The following STAU2 variants were observed in gnomAD, a reference collection of about 807,000 sequenced individuals.
STAU2 encodes staufen double-stranded RNA binding protein 2, also known as double-stranded RNA-binding protein Staufen homolog 2.
STAU2 carries 20 observed loss-of-function variants against 65.9 expected under a neutral mutation model. The ratio of observed to expected loss-of-function variants is 0.30; its 90% CI spans 0.21 to 0.44. STAU2 has a LOEUF of 0.44. STAU2 is among the 20% of genes least tolerant of loss of function. STAU2 has a pLI of 1.00. For missense variants in STAU2, 558 were observed against 683.9 expected, an observed-to-expected ratio of 0.82 and a Z score of 2.05; for synonymous variants, 232 against 233.9, an observed-to-expected ratio of 0.99 and a Z score of 0.07.
intron 6 of STAU2, among the ~76,000 whole-genome samples, chr8:73,648,249 G>A (rs892188529): frequency 8.5e-5 from 13 of 152,114 alleles, no homozygotes; most frequent in Non-Finnish European, 4.4e-5. Context: ...TTTATTTCAT[G>A]GTGATTTTTA....
intron 13 of STAU2, among the ~76,000 whole-genome samples, chr8:73,517,896 A>ACAGC (rs1822827781): frequency 6.6e-6 from 1 of 152,206 alleles, no homozygotes; most frequent in Non-Finnish European, 1.5e-5. Flanking sequence ...GCATATATGA[A>ACAGC]ATTATAAGTC....
In STAU2 at chr8:73,421,454, T is replaced by A; in HGVS notation, c.1631A>T (p.His544Leu). The A allele has an allele frequency of 6.5e-7, 1 of 1,537,280 alleles. No homozygotes were observed. The highest frequency in any genetic ancestry group is 8.7e-7 in the Non-Finnish European group (1 of 1,146,910). Reference protein sequence around the residue: ...EKGSLEKQAKHLREKADNNQA... With the variant: ...EKGSLEKQAKLLREKADNNQA... ...GTTATTGTCCGCTTTCTCTCTCAGA[T>A]GCTTGGCTTGTCTGAAAGATTAATA... The change falls in exon 15 of 15, where the codon CAT becomes CTT. Residue 544 changes from histidine (H) to leucine (L), a missense_variant. His to Leu is a moderately conservative substitution (Grantham distance 99). Coordinates refer to ENST00000524300, the MANE Select transcript of STAU2 (RefSeq NM_001164380.2).
At chr8:73,602,819 T>G (rs1168167346) in intron 10 of STAU2, among the ~76,000 whole-genome samples, 1 of 152,024 alleles carries the variant, frequency 6.6e-6, no homozygotes, top group Non-Finnish European at 1.5e-5. Flanking sequence ...TAATGAATCA[T>G]GTCTAATGTA....
rs71561522 is a variant in STAU2, at chr8:73,429,413, C to CTTTTTTTTTTTTTTTT, written c.1531-6727_1531-6712dup. ...AACCAATCTATATTCTTGCTCAGGTCTTTTTTTTTTTTTTTTTTTTTTTTT... is the reference window on the plus strand; with the variant it reads ...AACCAATCTATATTCTTGCTCAGGTCTTTTTTTTTTTTTTTTTTTTTTTTTTTTTTTTTTTTTTTTT... On this transcript the variant is annotated intron_variant, in intron 13 of 14. Coordinates refer to ENST00000524300, the MANE Select transcript of STAU2 (RefSeq NM_001164380.2). 7.7e-5 allele frequency among the ~76,000 whole-genome samples: 5 copies of CTTTTTTTTTTTTTTTT among 65,312 alleles called. 2 individuals are homozygous for CTTTTTTTTTTTTTTTT. The highest frequency in any genetic ancestry group is 1.1e-4 in the Non-Finnish European group (3 of 28,522). 42.8% of individuals were successfully genotyped at this position (65,312 alleles called of 152,430 possible).
At chr8:73,470,823 TA>T (rs1819955137) in intron 13 of STAU2, among the ~76,000 whole-genome samples, 1 of 147,030 alleles carries the variant, frequency 6.8e-6, no homozygotes, top group African/African-American at 2.5e-5. Context: ...AATTTTTTTT[TA>T]AATAATAGAG....
chr8:73,616,299 TAGAA>T (rs763234064), intron 7 of STAU2, among the ~76,000 whole-genome samples: 5 of 152,116 alleles, frequency 3.3e-5, no homozygotes, highest in Non-Finnish European at 7.3e-5. Context: ...CTATAACTAT[TAGAA>T]AGAGACAGTA....
chr8:73,745,662 C>G (rs934578450), intron 1 of STAU2, among the ~76,000 whole-genome samples: 2 of 152,192 alleles, frequency 1.3e-5, no homozygotes, highest in Non-Finnish European at 2.9e-5. Flanking sequence ...GCAGGATCCA[C>G]CCACTTTAAA....
intron 4 of STAU2, among the ~76,000 whole-genome samples, chr8:73,690,127 G>A (rs1464030279): frequency 1.3e-5 from 2 of 151,958 alleles, no homozygotes; most frequent in Non-Finnish European, 2.9e-5. Context: ...AGGAGATTGA[G>A]ACCATCCTGG....
chr8:73,677,045 T>A (rs1379631945), intron 5 of STAU2, among the ~76,000 whole-genome samples: 2 of 152,122 alleles, frequency 1.3e-5, no homozygotes, highest in Non-Finnish European at 2.9e-5. Flanking sequence ...AAACAGACAA[T>A]GCAGATTTTT....
At chr8:73,655,777 T>C (rs527743817) in intron 6 of STAU2, among the ~76,000 whole-genome samples, 312 of 151,150 alleles carry the variant, frequency 2.1e-3, no homozygotes, top group Admixed American at 3.0e-3. Flanking sequence ...GCCTCCCGAG[T>C]AGCTGGGACT....
chr8:73,523,574 T>C (rs1823179686), intron 13 of STAU2, among the ~76,000 whole-genome samples: 2 of 152,152 alleles, frequency 1.3e-5, no homozygotes, highest in Non-Finnish European at 2.9e-5. Flanking sequence ...TCATGATACT[T>C]TGTAGTTAAT....
intron 13 of STAU2, among the ~76,000 whole-genome samples, chr8:73,447,030 G>A (rs746927519): frequency 9.9e-5 from 15 of 152,016 alleles, no homozygotes; most frequent in East Asian, 1.9e-4. Flanking sequence ...CAACCTCCGC[G>A]TCCCGGGTTC....
chr8:73,607,511 C>T (rs943966175), intron 9 of STAU2, among the ~76,000 whole-genome samples: 16 of 151,926 alleles, frequency 1.1e-4, no homozygotes, highest in Admixed American at 1.1e-3. Context: ...GGGCAGATCA[C>T]CTGAGGTCGG....
intron 6 of STAU2, among the ~76,000 whole-genome samples, chr8:73,622,669 C>A (rs1026609936): frequency 6.6e-6 from 1 of 152,124 alleles, no homozygotes; most frequent in Non-Finnish European, 1.5e-5. Context: ...GGCCAGAGAA[C>A]CTAATGCAAG....
At chr8:73,572,186 T>G in intron 12 of STAU2, among the ~76,000 whole-genome samples, 1 of 152,196 alleles carries the variant, frequency 6.6e-6, no homozygotes, top group South Asian at 2.1e-4. Flanking sequence ...TACACCCTCC[T>G]AAGACTAAAC....
At chr8:73,426,166 C>T (rs182335752) in intron 13 of STAU2, among the ~76,000 whole-genome samples, 8 of 136,880 alleles carry the variant, frequency 5.8e-5, no homozygotes, top group Non-Finnish European at 1.1e-4. Context: ...TGTAGGTAAC[C>T]TGCTTTTTTT....
chr8:73,743,979 C>A (rs893490078), intron 1 of STAU2, among the ~76,000 whole-genome samples: 1 of 150,092 alleles, frequency 6.7e-6, no homozygotes, highest in African/African-American at 2.5e-5. Context: ...ACCATGTTGG[C>A]CAGGCTGGTC....
chr8:73,686,207 G>A (rs1013649169), intron 5 of STAU2, among the ~76,000 whole-genome samples: 1 of 152,220 alleles, frequency 6.6e-6, no homozygotes. Context: ...GAAGTCAGGA[G>A]ATGGAGACCA....
intron 13 of STAU2, among the ~76,000 whole-genome samples, chr8:73,533,620 G>A (rs1805979631): frequency 6.6e-6 from 1 of 152,110 alleles, no homozygotes. Context: ...AATAGACAAG[G>A]CACTGTGGTT....
Sources: gnomAD v4.1 joint callset for allele counts (sites outside exome capture counted in the v4.1 genomes callset) on GRCh38, gnomAD v4.1.1 for gene constraint, MANE v1.5 for transcripts, NCBI Gene and HGNC (gene_info 2026-07-23, HGNC 2026-07-21) for gene names.